The following ANKRD30A variants were observed in gnomAD, a reference collection of about 807,000 sequenced individuals.
ANKRD30A encodes the protein ankyrin repeat domain 30A.
ANKRD30A carries 170 observed loss-of-function variants against 166.3 expected under a neutral mutation model. That is an observed-to-expected ratio of 1.02 (90% CI 0.90 to 1.16). ANKRD30A has a LOEUF of 1.16. ANKRD30A is among the 50% of genes most tolerant of loss of function. ANKRD30A has a pLI of 0.00. For synonymous variants in ANKRD30A, 564 were observed against 508.9 expected, an observed-to-expected ratio of 1.11 and a Z score of -1.46; for missense variants, 1,630 against 1,518.0, an observed-to-expected ratio of 1.07 and a Z score of -1.23.
chr10:37,197,895 T>G (rs1292447697), intron 29 of ANKRD30A, among the ~76,000 whole-genome samples: 1 of 152,068 alleles, frequency 6.6e-6, no homozygotes, highest in Non-Finnish European at 1.5e-5. Flanking sequence ...TCGTTTCCAG[T>G]GTTGTCACTT....
Position 37,199,837 on chromosome 10 carries a change from A to T in ANKRD30A, c.2778+49A>T, listed in dbSNP as rs745478510. 4 of 1,172,194 alleles carry T rather than the reference A, an allele frequency of 3.4e-6. No homozygotes were observed. The Admixed American group carries it at 8.9e-5, about 26-fold the overall frequency. The allele number at this position is 1,172,194 out of a possible 1,614,324, so 72.6% of individuals were successfully genotyped here. The stretch of plus-strand genomic sequence containing the variant: ...TAAATATTAGTATTGCATGATATGA[A>T]AACATAAAATCAGATGCTTAGACTT... On this transcript the variant is annotated intron_variant, in intron 30 of 35. Transcript: ENST00000361713.
At chr10:37,199,327 A>G (rs1178849316) in intron 29 of ANKRD30A, among the ~76,000 whole-genome samples, 7 of 152,052 alleles carry the variant, frequency 4.6e-5, no homozygotes, top group African/African-American at 1.7e-4. Context: ...CGTAATAGAG[A>G]TTGCTGAGTC....
rs1767381 is a variant in ANKRD30A at position 37,191,903 on chromosome 10, A to G, written c.2513-1161A>G. On this transcript the variant is annotated intron_variant, in intron 25 of 35. Coordinates refer to ENST00000361713, the MANE Select transcript of ANKRD30A (RefSeq NM_052997.3). ...CCAGCTACTCCGGAGGCTGAGACAA[A>G]AGAATGGCGTGAACCCGCGAGGCGG... is the stretch of plus-strand genomic sequence containing the variant. Among the ~76,000 whole-genome samples, 114 of 152,072 alleles carry G rather than the reference A, an allele frequency of 7.5e-4. 2 individuals are homozygous for G. The South Asian group carries it at 0.019, about 25-fold the overall frequency.
intron 31 of ANKRD30A, among the ~76,000 whole-genome samples, chr10:37,204,751 A>G (rs1049004740): frequency 7.2e-5 from 11 of 152,174 alleles, no homozygotes; most frequent in African/African-American, 2.7e-4. Flanking sequence ...TTAAGTTTAC[A>G]AGAAAAAATC....
At chr10:37,249,929 TACTGGC>T in the ANKRD30A span, among the ~76,000 whole-genome samples, 2 of 152,210 alleles carry the variant, frequency 1.3e-5, no homozygotes, top group Non-Finnish European at 2.9e-5. Flanking sequence ...GAAGGAAAAC[TACTGGC>T]AGAGATTCCA....
downstream of ANKRD30A, among the ~76,000 whole-genome samples, chr10:37,233,807 A>T (rs755826577): frequency 6.6e-6 from 1 of 152,186 alleles, no homozygotes; most frequent in Non-Finnish European, 1.5e-5. Context: ...GAGGTGGCAC[A>T]GATTATCTAA....
chr10:37,161,985 TAA>T (rs1352858923), intron 15 of ANKRD30A, among the ~76,000 whole-genome samples: 1 of 152,192 alleles, frequency 6.6e-6, no homozygotes, highest in Non-Finnish European at 1.5e-5. Flanking sequence ...TCTATTGCAA[TAA>T]ATTTTTATAT....
intron 6 of ANKRD30A, among the ~76,000 whole-genome samples, chr10:37,137,491 C>A (rs1223766380): frequency 6.6e-6 from 1 of 152,172 alleles, no homozygotes; most frequent in Non-Finnish European, 1.5e-5. Context: ...AAAGGGGTGA[C>A]AGACGGCACC....
the ANKRD30A span, among the ~76,000 whole-genome samples, chr10:37,240,191 C>A: frequency 1.3e-5 from 2 of 151,924 alleles, no homozygotes; most frequent in Non-Finnish European, 2.9e-5. Context: ...TATATTTATG[C>A]CTCATTAATT....
rs181985186 is a variant in ANKRD30A, at chr10:37,167,704, A to G, written c.2155+1009A>G. 2.2e-3 allele frequency among the ~76,000 whole-genome samples: 333 copies of G among 151,976 alleles called. 6 individuals are homozygous for G. The highest frequency in any genetic ancestry group is 7.6e-3 in the African/African-American group (314 of 41,290). On this transcript the variant is annotated intron_variant, in intron 19 of 35. Coordinates refer to ENST00000361713, the MANE Select transcript of ANKRD30A (RefSeq NM_052997.3). ...TGAGATGACTAAGCTAGAAATTACA[A>G]AAATGTTGGCATACTATTCCAGTAT...
intron 34 of ANKRD30A, among the ~76,000 whole-genome samples, chr10:37,228,498 G>A (rs1288050257): frequency 6.6e-6 from 1 of 151,878 alleles, no homozygotes; most frequent in African/African-American, 2.4e-5. Flanking sequence ...ATACTGCTTA[G>A]CTTTCTGAAG....
chr10:37,167,882 A>G (rs1478520860), intron 19 of ANKRD30A, among the ~76,000 whole-genome samples: 1 of 134,158 alleles, frequency 7.5e-6, no homozygotes, highest in Non-Finnish European at 1.6e-5. Flanking sequence ...ATGACAGGAC[A>G]TATTAAAGAA....
chr10:37,219,841 A>C lies in ANKRD30A; in HGVS notation c.4129A>C (p.Asn1377His). Residue 1377 changes from asparagine to histidine, a missense_variant, in exon 34 of 36, where the codon AAT becomes CAT. Physicochemically the swap from Asn to His is moderately conservative, Grantham distance 68. Around this residue, in one of 4 missense-constraint regions of ANKRD30A, gnomAD observed 712 missense variants for 629.3 expected, o/e 1.13. Transcript: ENST00000361713. ...GAAAAATGAGGAGATATTTAATTACAATAACCATTTAAAAAACCGTATATA... is the reference window on the plus strand; with the variant it reads ...GAAAAATGAGGAGATATTTAATTACCATAACCATTTAAAAAACCGTATATA... Reference protein sequence around the residue: ...KEKNEEIFNYNNHLKNRIYQY... With the variant: ...KEKNEEIFNYHNHLKNRIYQY... 6.3e-7 allele frequency: 1 copy of C among 1,587,430 alleles called. No individual in the cohort carries two copies. Among genetic ancestry groups the C allele is most frequent in the Non-Finnish European group, 8.6e-7 (1 of 1,165,938 alleles).
downstream of ANKRD30A, among the ~76,000 whole-genome samples, chr10:37,234,747 A>T (rs985522290): frequency 1.3e-5 from 2 of 152,158 alleles, no homozygotes; most frequent in Non-Finnish European, 2.9e-5. Flanking sequence ...TAACTTTTCT[A>T]TTTCTCAAAT....
chr10:37,263,615 G>T, the ANKRD30A span, among the ~76,000 whole-genome samples: 1 of 152,040 alleles, frequency 6.6e-6, no homozygotes, highest in Non-Finnish European at 1.5e-5. Flanking sequence ...GCTCCTATGA[G>T]AATCTAATGC....
the ANKRD30A span, among the ~76,000 whole-genome samples, chr10:37,242,401 T>C: frequency 6.6e-6 from 1 of 152,194 alleles, no homozygotes; most frequent in African/African-American, 2.4e-5. Context: ...ACATCTCCTC[T>C]GTCATGTTAT....
At chr10:37,218,448 C>A (rs1360822380) in intron 33 of ANKRD30A, among the ~76,000 whole-genome samples, 1 of 150,764 alleles carries the variant, frequency 6.6e-6, no homozygotes, top group Non-Finnish European at 1.5e-5. Flanking sequence ...ACTAAAAGTG[C>A]TTGTTACAAT....
intron 34 of ANKRD30A, among the ~76,000 whole-genome samples, chr10:37,225,833 G>A (rs1843122246): frequency 6.6e-6 from 1 of 151,552 alleles, no homozygotes; most frequent in Admixed American, 6.6e-5. Flanking sequence ...AACATGCCAT[G>A]CAATTCACTC....
chr10:37,236,684 G>A (rs1487773180), downstream of ANKRD30A, among the ~76,000 whole-genome samples: 1 of 152,184 alleles, frequency 6.6e-6, no homozygotes, highest in Admixed American at 6.5e-5. Flanking sequence ...GTTCAGGTTT[G>A]TCTTTGTGTG....
Sources: allele counts gnomAD v4.1 joint callset (sites outside exome capture counted in the v4.1 genomes callset), GRCh38; gene constraint gnomAD v4.1.1; regional missense constraint gnomAD v4.1.1; transcripts MANE v1.5; gene names NCBI Gene and HGNC (gene_info 2026-07-23, HGNC 2026-07-21).